The following DNAH1 variants were observed in gnomAD, a reference collection of about 807,000 sequenced individuals.
DNAH1 encodes the protein dynein axonemal heavy chain 1.
A neutral mutation model predicts 484.3 loss-of-function variants in DNAH1; 327 were observed. The ratio of observed to expected loss-of-function variants is 0.68; its 90% confidence interval spans 0.62 to 0.74. The LOEUF (loss-of-function observed/expected upper bound fraction) is 0.74, where lower values mean the gene tolerates loss of function less well. Among genes scored for constraint, DNAH1 ranks in the 30% least tolerant of loss-of-function variants. The probability of loss-of-function intolerance (pLI) is 0.00; values close to 1 mark genes in which losing one functional copy is unlikely to be tolerated. For synonymous variants in DNAH1, 2,192 were observed against 2,191.9 expected, an observed-to-expected ratio of 1.00 and a Z score of 0.00; for missense variants, 5,052 against 5,546.8, an observed-to-expected ratio of 0.91 and a Z score of 2.83.
intron 75 of DNAH1, 46 bp from the exon 76 acceptor site, chr3:52,398,804 A>G: frequency 7.0e-7 from 1 of 1,438,076 alleles, no homozygotes; most frequent in South Asian, 1.4e-5. Flanking sequence ...AGCTACTGCC[A>G]CGTGACCCCA....
At chr3:52,352,165 C>G in intron 17 of DNAH1, 62 bp downstream of exon 17, 1 of 1,535,912 alleles carries the variant, frequency 6.5e-7, no homozygotes, top group Non-Finnish European at 8.8e-7. Context: ...GCACAGTTCT[C>G]CAGGGCCTGG....
intron 6 of DNAH1, among the ~76,000 whole-genome samples, chr3:52,330,035 C>G (rs1347929845): frequency 1.3e-5 from 2 of 152,082 alleles, no homozygotes; most frequent in Non-Finnish European, 2.9e-5. Flanking sequence ...GTCTCGAACT[C>G]CTGAGCTCAG....
rs370588184 is a variant in DNAH1, at chr3:52,388,814, C to T, written c.9372C>T (p.Asn3124=). The T allele has an allele frequency of 9.9e-6, 16 of 1,613,464 alleles. 1 individual carries two copies. The highest frequency in any genetic ancestry group is 6.6e-5 in the South Asian group (6 of 91,064). Reference sequence around the variant, plus strand: ...CGGGGCTGCCCCTCCAGCTCATCAACGGGCTGTCGGATGAGAAGGTGCGCT... The same window carrying T: ...CGGGGCTGCCCCTCCAGCTCATCAATGGGCTGTCGGATGAGAAGGTGCGCT... ...QRLGRAGKLI[N]GLSDEKVRWQ... is the part of the protein sequence containing the mutation. The change falls in exon 59 of 78, where the codon AAC becomes AAT. Residue 3124 remains asparagine (N), a synonymous_variant. Transcript: ENST00000420323.
rs373141847 is a variant in DNAH1, at chr3:52,357,778, A to T, written c.3980+43A>T. The T allele has an allele frequency of 1.9e-6, 3 of 1,572,798 alleles. No individual in the cohort carries two copies. In the African/African-American group the frequency reaches 4.1e-5, roughly 21 times the overall value. ...ATGCCCACTCCGCCACTGTCTGCCC[A>T]CAAGGCTGAGGTGTCCAGGGCCCTG... On this transcript the variant is annotated intron_variant, in intron 23 of 77. Coordinates refer to ENST00000420323, the MANE Select transcript of DNAH1 (RefSeq NM_015512.5).
At chr3:52,375,199 C>T (rs1378355290) in intron 44 of DNAH1, 41 bp from the exon 45 acceptor site, 9 of 1,560,748 alleles carry the variant, frequency 5.8e-6, no homozygotes, top group Non-Finnish European at 7.8e-6. Flanking sequence ...CATAATGCAG[C>T]CCTGGCCAGG....
upstream of DNAH1, among the ~76,000 whole-genome samples, chr3:52,313,913 AG>A (rs1219391897): frequency 6.6e-6 from 1 of 152,176 alleles, no homozygotes; most frequent in Non-Finnish European, 1.5e-5. Flanking sequence ...TAACAAAGGA[AG>A]GGACTTGCCC....
chr3:52,347,604 G>C (rs901730058), intron 11 of DNAH1, among the ~76,000 whole-genome samples: 18 of 152,206 alleles, frequency 1.2e-4, no homozygotes, highest in South Asian at 4.1e-4. Flanking sequence ...CCTCTCGTGT[G>C]GTGCTCATGG....
Position 52,388,920 on chromosome 3 carries a change from T to C in DNAH1, c.9478T>C (p.Tyr3160His), listed in dbSNP as rs1214051171. The C allele has an allele frequency of 6.2e-7, 1 of 1,604,760 alleles. No homozygotes were observed. Among genetic ancestry groups the C allele is most frequent in the East Asian group, 2.2e-5 (1 of 44,670 alleles). Residue 3160 changes from tyrosine to histidine, a missense_variant, in exon 59 of 78, where the codon TAC (tyrosine) becomes CAC (histidine). Tyr to His is a moderately conservative substitution (Grantham distance 83). This residue lies in a region of DNAH1 where 2,929 missense variants were observed against 3,409.4 expected (regional missense o/e 0.86). Transcript: ENST00000420323. ...CCTGGTGGCCGCTGGCTTTGTGGCC[T>C]ACCTGGGCCCCTTCACGGTAAGAAG... ...DVLVAAGFVAYLGPFTGQYRT... is the reference protein window; with the variant it reads ...DVLVAAGFVAHLGPFTGQYRT...
At chr3:52,373,709 C>T (rs13096571) in intron 44 of DNAH1, 55,227 of 1,359,378 alleles carry the variant, frequency 0.041, 1,294 homozygotes, top group Non-Finnish European at 0.047. Flanking sequence ...GTCAGTGTTG[C>T]GTCCTTTTTG....
chr3:52,312,281 T>G (rs1700797423), upstream of DNAH1, among the ~76,000 whole-genome samples: 1 of 152,072 alleles, frequency 6.6e-6, no homozygotes, highest in Non-Finnish European at 1.5e-5. Flanking sequence ...GAGGGAGGGC[T>G]GAGGCCAGGT....
intron 8 of DNAH1, among the ~76,000 whole-genome samples, chr3:52,343,968 C>T (rs949245537): frequency 3.3e-5 from 5 of 152,300 alleles, no homozygotes; most frequent in South Asian, 4.1e-4. Context: ...TTTCCGATCT[C>T]GGAGCCCAGT....
At chr3:52,360,111 A>G in intron 27 of DNAH1, 32 bp downstream of exon 27, 2 of 1,613,006 alleles carry the variant, frequency 1.2e-6, no homozygotes, top group South Asian at 2.2e-5. Flanking sequence ...CCAGGGCCAG[A>G]GCAGCTGCCA....
intron 8 of DNAH1, among the ~76,000 whole-genome samples, chr3:52,337,741 C>G (rs1467928868): frequency 6.6e-6 from 1 of 152,018 alleles, no homozygotes; most frequent in Non-Finnish European, 1.5e-5. Flanking sequence ...CTCCATTATC[C>G]CCTGCTTTCC....
In DNAH1 at chr3:52,352,245, T is replaced by C. The variant is rs533242703; in HGVS notation, c.2871+142T>C. ...GCGGGCAGATGGATGAATGAATAAA[T>C]GGCTGAAAGAATGAACGCAAAGGCC... On this transcript the variant is annotated intron_variant, in intron 17 of 77. Transcript: ENST00000420323. 3.2e-6 allele frequency: 4 copies of C among 1,260,060 alleles called. No homozygotes were observed. In the South Asian group the frequency reaches 6.0e-5, roughly 19 times the overall value. 78.1% of individuals were successfully genotyped at this position (1,260,060 alleles called of 1,614,324 possible).
chr3:52,399,962 CT>C (rs1369173140), intron 77 of DNAH1, among the ~76,000 whole-genome samples, 183 bp downstream of exon 77: 1 of 152,240 alleles, frequency 6.6e-6, no homozygotes, highest in Non-Finnish European at 1.5e-5. Context: ...GGGAGCACCC[CT>C]GAACTCCTAT....
At position 52,316,322 on chromosome 3, in the gene DNAH1, G is replaced by A. The variant is rs532390512; in HGVS notation, c.-258G>A. 3 of 152,452 alleles carry A rather than the reference G, an allele frequency of 2.0e-5. No individual in the cohort carries two copies. The highest frequency in any genetic ancestry group is 7.2e-5 in the African/African-American group (3 of 41,566). The allele number at this position is 152,452 out of a possible 1,614,324, so 9.4% of individuals were successfully genotyped here. A position where few individuals can be genotyped will look rare whatever the true frequency, so the allele number is the denominator to read the frequency against. ...CAGGTGCCTCTCTACAGGCCAAGGG[G>A]GGTACCCAACCTATACGCAGACCCA... On this transcript the variant is annotated 5_prime_UTR_variant, in exon 1 of 78. Coordinates refer to ENST00000420323, the MANE Select transcript of DNAH1 (RefSeq NM_015512.5).
At position 52,400,433 on chromosome 3, in the gene DNAH1, C is replaced by T. The variant is rs768576276; in HGVS notation, c.12785C>T (p.Ala4262Val). 5 of 1,613,996 alleles carry T rather than the reference C, an allele frequency of 3.1e-6. No individual in the cohort carries two copies. The highest frequency in any genetic ancestry group is 4.2e-6 in the Non-Finnish European group (5 of 1,179,876). The stretch of plus-strand genomic sequence containing the variant: ...AAGCGTGGTGTGGCCCTCATCTGTG[C>T]CCTGGACTACTAGACTCAGACAGAA... ...WIKRGVALICALDY is the reference protein window; with the variant it reads ...WIKRGVALICVLDY The change falls in exon 78 of 78, where the codon GCC becomes GTC. Residue 4262 changes from alanine (A) to valine (V), a missense_variant. By Grantham distance (64) the Ala-to-Val change is moderately conservative (BLOSUM62 0). This residue lies in a region of DNAH1 where 853 missense variants were observed against 899.0 expected (regional missense o/e 0.95). Transcript: ENST00000420323.
chr3:52,383,284 G>C, intron 50 of DNAH1, 102 bp from the exon 51 acceptor site: 1 of 1,060,280 alleles, frequency 9.4e-7, no homozygotes, highest in Non-Finnish European at 1.4e-6. Context: ...AGCCTTAGTG[G>C]TACAGTCTGT....
rs775151697 is a variant in DNAH1 at position 52,388,572 on chromosome 3, G to C, written c.9326G>C (p.Cys3109Ser). The C allele has an allele frequency of 1.2e-5, 19 of 1,612,522 alleles. No homozygotes were observed. In the East Asian group the frequency reaches 2.9e-4, roughly 25 times the overall value. The change falls in exon 58 of 78, where the codon TGT becomes TCT. Residue 3109 changes from cysteine (C) to serine (S), a missense_variant. Around this residue, in one of 4 missense-constraint regions of DNAH1, gnomAD observed 2,929 missense variants for 3,409.4 expected, o/e 0.86. Coordinates refer to ENST00000420323, the MANE Select transcript of DNAH1 (RefSeq NM_015512.5). Reference sequence around the variant, plus strand: ...AAGAAGGAGGAGCTGGAGCTGAAGTGTGAGCAGTGTGAGCAGCGGCTGGGC... The same window carrying C: ...AAGAAGGAGGAGCTGGAGCTGAAGTCTGAGCAGTGTGAGCAGCGGCTGGGC... ...ITKKEELELK[C>S]EQCEQRLGRA... is the part of the protein sequence containing the mutation.
Sources: gnomAD v4.1 joint callset for allele counts (sites outside exome capture counted in the v4.1 genomes callset) on GRCh38, gnomAD v4.1.1 for gene constraint, gnomAD v4.1.1 regional missense constraint, MANE v1.5 for transcripts, NCBI Gene and HGNC (gene_info 2026-07-23, HGNC 2026-07-21) for gene names.